The following GKN2 variants were observed in gnomAD, a reference collection of about 807,000 sequenced individuals.
GKN2 encodes the protein gastrokine 2, also known as gastrokine-2.
A neutral mutation model predicts 22.7 loss-of-function variants in GKN2; 17 were observed. The observed-to-expected ratio is 0.75, with a 90% CI of 0.51 to 1.13. GKN2 has a LOEUF of 1.13. Ranked by LOEUF, GKN2 falls within the 50% of genes most tolerant of loss-of-function variation. The pLI, the probability that GKN2 is intolerant of heterozygous loss-of-function variation, is 0.00. For missense variants in GKN2, 248 were observed against 221.4 expected (o/e 1.12, Z -0.76); for synonymous variants, 82 against 79.6 (o/e 1.03, Z -0.16).
At chr2:68,948,116 G>A (rs1009129112) in intron 3 of GKN2, among the ~76,000 whole-genome samples, 4 of 151,630 alleles carry the variant, frequency 2.6e-5, no homozygotes, top group African/African-American at 7.3e-5. Context: ...CGTGGTGGCG[G>A]GCACCTGTAG....
At chr2:68,946,590 A>T (rs910063811) in intron 4 of GKN2, 130 bp from the exon 5 acceptor site, 4 of 711,026 alleles carry the variant, frequency 5.6e-6, no homozygotes, top group Non-Finnish European at 8.8e-6. Flanking sequence ...TCAAGACATC[A>T]TCTCTTTTTG....
At chr2:68,946,579 C>T (rs182268133) in intron 4 of GKN2, 119 bp from the exon 5 acceptor site, 1 of 760,208 alleles carries the variant, frequency 1.3e-6, no homozygotes, top group East Asian at 2.7e-5. Context: ...ACTTAGGGAT[C>T]TCAAGACATC....
At chr2:68,947,454 TA>T (rs1430677625) in intron 3 of GKN2, among the ~76,000 whole-genome samples, 197 bp from the exon 4 acceptor site, 1 of 152,240 alleles carries the variant, frequency 6.6e-6, no homozygotes, top group Non-Finnish European at 1.5e-5. Context: ...TTGTCATTTC[TA>T]CCCCTTTGAA....
Position 68,950,768 on chromosome 2 carries a change from C to G in GKN2, c.13-13G>C, listed in dbSNP as rs761438242. ...CCAGAAATGCCACCTGAAAAACAGA[C>G]CCACCACATCCATTCTTTATAGGGT... On this transcript the variant is annotated splice_polypyrimidine_tract_variant and intron_variant, in intron 1 of 5. Coordinates refer to ENST00000328895, the MANE Select transcript of GKN2 (RefSeq NM_182536.3). 1.5e-5 allele frequency: 24 copies of G among 1,613,804 alleles called. No individual in the cohort carries two copies. Among genetic ancestry groups the G allele is most frequent in the Non-Finnish European group, 1.7e-5 (20 of 1,179,716 alleles).
chr2:68,950,723 C>G lies in GKN2; in HGVS notation c.45G>C (p.Gly15=). ...VAFLVVLTIF[G]IQSHGYEVFN... is the part of the protein sequence containing the mutation. ...TCACCTCGTATCCATGAGATTGTATCCCAAAGATGGTCAGCACCACCAGAA... is the reference window on the plus strand; with the variant it reads ...TCACCTCGTATCCATGAGATTGTATGCCAAAGATGGTCAGCACCACCAGAA... The change falls in exon 2 of 6, where the codon GGG becomes GGC. Residue 15 remains glycine, a synonymous_variant. Transcript: ENST00000328895. 2.5e-6 allele frequency: 4 copies of G among 1,614,098 alleles called. No homozygotes were observed. In the South Asian group the frequency reaches 3.3e-5, roughly 13 times the overall value.
intron 1 of GKN2, 32 bp from the exon 2 acceptor site, chr2:68,950,787 A>T: frequency 6.2e-7 from 1 of 1,610,982 alleles, no homozygotes; most frequent in Non-Finnish European, 8.5e-7. Context: ...TCCATTCTTT[A>T]TAGGGTAGTC....
At chr2:68,948,163 A>G (rs1221202850) in intron 3 of GKN2, among the ~76,000 whole-genome samples, 2 of 150,352 alleles carry the variant, frequency 1.3e-5, no homozygotes, top group Non-Finnish European at 3.0e-5. Context: ...GGAGAATGGC[A>G]TGAACCCGGG....
At chr2:68,948,257 A>AAAAAAAAAAAAAAC (rs1558706587) in intron 3 of GKN2, among the ~76,000 whole-genome samples, 2 of 132,292 alleles carry the variant, frequency 1.5e-5, no homozygotes. Context: ...AAAAAAAAAC[A>AAAAAAAAAAAAAAC]AAAAAAAAAA....
In GKN2 at chr2:68,946,399, A is replaced by G. The variant is rs754038923; in HGVS notation, c.377T>C (p.Leu126Pro). The G allele has an allele frequency of 4.3e-6, 7 of 1,613,998 alleles. No individual in the cohort carries two copies. Among genetic ancestry groups the G allele is most frequent in the Non-Finnish European group, 5.1e-6 (6 of 1,179,940 alleles). ...CAGGAACCAATCCACGTCTTTGATC[A>G]GAGACTCCAGAGGGTTGTACTTGAC... ...TWVKYNPLES[L>P]IKDVDWFLLG... Residue 126 changes from leucine to proline, a missense_variant, in exon 5 of 6, where the codon CTG becomes CCG. Physicochemically the swap from Leu to Pro is moderately conservative, Grantham distance 98 (BLOSUM62 -3). Transcript: ENST00000328895.
Position 68,952,884 on chromosome 2 carries a change from T to C in GKN2, c.-23A>G. On this transcript the variant is annotated 5_prime_UTR_variant, in exon 1 of 6. Coordinates refer to ENST00000328895, the MANE Select transcript of GKN2 (RefSeq NM_182536.3). ...CATTTTGCCTGGGAGAGGAAGGTGC[T>C]GGAGTAAGTAAAGCTGCCCTGTGCA... 1.2e-6 allele frequency: 2 copies of C among 1,613,614 alleles called. No individual in the cohort carries two copies. The highest frequency in any genetic ancestry group is 1.7e-6 in the Non-Finnish European group (2 of 1,179,702).
intron 3 of GKN2, among the ~76,000 whole-genome samples, chr2:68,949,291 C>A (rs925564379): frequency 3.3e-5 from 5 of 152,098 alleles, no homozygotes; most frequent in African/African-American, 1.2e-4. Context: ...GATTTTCTTT[C>A]TTACAGAAAA....
rs1669746722 is a variant in GKN2 at position 68,945,258 on chromosome 2, T to C, written c.*110A>G. On this transcript the variant is annotated 3_prime_UTR_variant, in exon 6 of 6. Transcript: ENST00000328895. ...CTATAAATACAGCATTTATATTTTC[T>C]GACTGAATCTCAAAATTAGTTGGGG... is the stretch of plus-strand genomic sequence containing the variant. The C allele has an allele frequency of 1.3e-6, 1 of 778,356 alleles. No homozygotes were observed. The highest frequency in any genetic ancestry group is 2.1e-6 in the Non-Finnish European group (1 of 483,170). 48.2% of individuals were successfully genotyped at this position (778,356 alleles called of 1,614,324 possible).
intron 5 of GKN2, 157 bp downstream of exon 5, chr2:68,946,147 G>C: frequency 1.8e-6 from 1 of 545,810 alleles, no homozygotes; most frequent in East Asian, 3.1e-5. Flanking sequence ...CTAAAATTTA[G>C]CACAATTTAC....
chr2:68,946,826 C>T (rs1669775804), intron 4 of GKN2, among the ~76,000 whole-genome samples: 1 of 152,128 alleles, frequency 6.6e-6, no homozygotes, highest in Admixed American at 6.5e-5. Flanking sequence ...TAGAACTTCT[C>T]TTATTATTGT....
At position 68,947,185 on chromosome 2, in the gene GKN2, GA is replaced by G; in HGVS notation, c.276del (p.Pro93LeufsTer2). On this transcript the variant is annotated frameshift_variant, in exon 4 of 6. Transcript: ENST00000328895. LOFTEE classifies it high-confidence loss of function. ...FILKMDHQNI[P>X]PLNNLQWYIY... The stretch of plus-strand genomic sequence containing the variant: ...ATGTACCATTGGAGATTGTTCAGAG[GA>G]GGGATGTTCTGATGGTCCATCTTCA... 1 of 1,613,600 alleles carries G rather than the reference GA, an allele frequency of 6.2e-7. No individual in the cohort carries two copies. Among genetic ancestry groups the G allele is most frequent in the Non-Finnish European group, 8.5e-7 (1 of 1,179,598 alleles).
intron 3 of GKN2, among the ~76,000 whole-genome samples, chr2:68,949,263 T>C (rs1431281552): frequency 6.6e-6 from 1 of 152,202 alleles, no homozygotes; most frequent in African/African-American, 2.4e-5. Context: ...GAAAATAGTT[T>C]AGTGCTTTTA....
At position 68,952,847 on chromosome 2, in the gene GKN2, C is replaced by A; in HGVS notation, c.12+3G>T. The A allele has an allele frequency of 6.2e-7, 1 of 1,613,770 alleles. No individual in the cohort carries two copies. Among genetic ancestry groups the A allele is most frequent in the Non-Finnish European group, 8.5e-7 (1 of 1,179,836 alleles). Reference sequence around the variant, plus strand: ...GTATCAAGAAGCAGAAACAAATACTCACAAGTATTTTCATTTTGCCTGGGA... The same window carrying A: ...GTATCAAGAAGCAGAAACAAATACTAACAAGTATTTTCATTTTGCCTGGGA... On this transcript the variant is annotated splice_donor_region_variant and intron_variant, in intron 1 of 5. Coordinates refer to ENST00000328895, the MANE Select transcript of GKN2 (RefSeq NM_182536.3).
intron 1 of GKN2, 70 bp downstream of exon 1, chr2:68,952,780 C>T: frequency 6.6e-7 from 1 of 1,521,876 alleles, no homozygotes; most frequent in South Asian, 1.1e-5. Context: ...AAATCCATGG[C>T]ATATTAGATA....
intron 5 of GKN2, chr2:68,945,670 A>G: frequency 2.4e-6 from 1 of 409,140 alleles, no homozygotes; most frequent in East Asian, 3.7e-5. Flanking sequence ...CAGTAGATAT[A>G]TAATAAACAT....
Sources: allele counts gnomAD v4.1 joint callset (sites outside exome capture counted in the v4.1 genomes callset), GRCh38; gene constraint gnomAD v4.1.1; transcripts MANE v1.5; gene names NCBI Gene and HGNC (gene_info 2026-07-23, HGNC 2026-07-21).